COL4A2: variants seen among roughly 807,000 people sequenced by gnomAD.
The protein encoded by COL4A2 is collagen type IV alpha 2 chain, also known as collagen alpha-2(IV) chain.
In COL4A2, 99 loss-of-function variants were observed where a neutral mutation model predicts 200.2. That is an observed-to-expected ratio of 0.49 (90% CI 0.42 to 0.58). The LOEUF is 0.58. COL4A2 is among the 20% of genes least tolerant of loss of function. COL4A2 has a pLI of 0.00. For synonymous variants in COL4A2, 897 were observed against 900.6 expected (o/e 1.00, Z 0.07); for missense variants, 1,950 against 2,314.1 (o/e 0.84, Z 3.23).
intron 30 of COL4A2, among the ~76,000 whole-genome samples, chr13:110,478,517 G>A (rs529635931): frequency 8.5e-5 from 13 of 152,358 alleles, no homozygotes; most frequent in Non-Finnish European, 8.8e-5. Flanking sequence ...AGGTGGCTCC[G>A]TCAGGGAAAC....
chr13:110,376,325 G>A (rs1214850656), intron 4 of COL4A2, among the ~76,000 whole-genome samples: 2 of 152,230 alleles, frequency 1.3e-5, no homozygotes, highest in African/African-American at 4.8e-5. Flanking sequence ...TCAGAAGGTC[G>A]GAGCCTGTTT....
chr13:110,354,247 C>G (rs902258319), intron 3 of COL4A2, among the ~76,000 whole-genome samples: 9 of 152,198 alleles, frequency 5.9e-5, no homozygotes, highest in Non-Finnish European at 8.8e-5. Context: ...ATTATTGGGT[C>G]AACTGAGGAC....
At position 110,485,727 on chromosome 13, in the gene COL4A2, A is replaced by G; in HGVS notation, c.3098A>G (p.Lys1033Arg). Reference sequence around the variant, plus strand: ...CTGCCTGGGAGGCCCGGCCACATCAAAGGAGTCAAGGGAGACATCGGAGTC... The same window carrying G: ...CTGCCTGGGAGGCCCGGCCACATCAGAGGAGTCAAGGGAGACATCGGAGTC... Reference protein sequence around the residue: ...PGLPGRPGHIKGVKGDIGVPG... With the variant: ...PGLPGRPGHIRGVKGDIGVPG... The change falls in exon 34 of 48, where the codon AAA becomes AGA. Residue 1033 changes from lysine to arginine, a missense_variant. Lys to Arg is a conservative substitution (Grantham distance 26). Coordinates refer to ENST00000360467, the MANE Select transcript of COL4A2 (RefSeq NM_001846.4). 6.2e-7 allele frequency: 1 copy of G among 1,613,748 alleles called. No homozygotes were observed.
chr13:110,437,495 C>A (rs1164642835), intron 13 of COL4A2, among the ~76,000 whole-genome samples: 1 of 152,224 alleles, frequency 6.6e-6, no homozygotes, highest in African/African-American at 2.4e-5. Context: ...TTTCTTTCAC[C>A]ATTTTAGACG....
chr13:110,316,624 A>G (rs928500884), intron 3 of COL4A2, among the ~76,000 whole-genome samples: 1 of 152,210 alleles, frequency 6.6e-6, no homozygotes, highest in Non-Finnish European at 1.5e-5. Flanking sequence ...CGGAGCAGCT[A>G]AAACACCCTG....
intron 4 of COL4A2, among the ~76,000 whole-genome samples, chr13:110,381,683 T>G (rs900397343): frequency 6.6e-6 from 1 of 152,202 alleles, no homozygotes; most frequent in African/African-American, 2.4e-5. Flanking sequence ...ATCCTCCTGT[T>G]AGTAGAAAGG....
chr13:110,371,100 C>T (rs1220241059), intron 4 of COL4A2, among the ~76,000 whole-genome samples: 2 of 152,182 alleles, frequency 1.3e-5, no homozygotes, highest in Admixed American at 6.5e-5. Context: ...TAATGGAAAT[C>T]CCGGTTGATC....
At chr13:110,470,322 C>A (rs908853591) in intron 28 of COL4A2, among the ~76,000 whole-genome samples, 1 of 152,172 alleles carries the variant, frequency 6.6e-6, no homozygotes, top group Admixed American at 6.5e-5. Context: ...CAGGTTCCTG[C>A]AGCCTCTGCT....
chr13:110,432,781 G>A (rs756299443), intron 11 of COL4A2, among the ~76,000 whole-genome samples: 1 of 152,226 alleles, frequency 6.6e-6, no homozygotes, highest in Non-Finnish European at 1.5e-5. Flanking sequence ...AGGTTCTACA[G>A]GAGTCTAATG....
chr13:110,505,218 C>G (rs540682610), intron 45 of COL4A2, among the ~76,000 whole-genome samples: 10 of 151,894 alleles, frequency 6.6e-5, no homozygotes, highest in African/African-American at 2.4e-4. Context: ...GGCGTGGTGG[C>G]GGGCGCCAGT....
chr13:110,358,513 C>T (rs376087348), intron 4 of COL4A2, among the ~76,000 whole-genome samples: 9 of 152,214 alleles, frequency 5.9e-5, no homozygotes, highest in Admixed American at 6.5e-5. Flanking sequence ...AAAACAGTGA[C>T]GCAGTTGCTT....
intron 20 of COL4A2, among the ~76,000 whole-genome samples, chr13:110,454,710 C>T (rs914144297): frequency 2.0e-5 from 3 of 152,080 alleles, no homozygotes; most frequent in Non-Finnish European, 4.4e-5. Flanking sequence ...CCTCCCTGCA[C>T]TCCCCGCCGG....
intron 16 of COL4A2, among the ~76,000 whole-genome samples, chr13:110,441,480 G>A (rs182826932): frequency 2.0e-4 from 30 of 152,280 alleles, no homozygotes; most frequent in African/African-American, 6.0e-4. Flanking sequence ...ACTCAGCCCA[G>A]GGAGCCAATG....
chr13:110,467,340 G>A (rs1442294479), intron 27 of COL4A2, among the ~76,000 whole-genome samples: 1 of 152,258 alleles, frequency 6.6e-6, no homozygotes, highest in Non-Finnish European at 1.5e-5. Context: ...ATTCAGCCAT[G>A]GCTGCAGGGG....
chr13:110,380,267 A>G (rs1322664955), intron 4 of COL4A2, among the ~76,000 whole-genome samples: 1 of 152,142 alleles, frequency 6.6e-6, no homozygotes, highest in Non-Finnish European at 1.5e-5. Flanking sequence ...TTCTGAGGGG[A>G]GGGTCGAACA....
intron 33 of COL4A2, 102 bp from the exon 34 acceptor site, chr13:110,485,553 C>T (rs1883091317): frequency 5.0e-6 from 3 of 604,826 alleles, no homozygotes; most frequent in Non-Finnish European, 8.5e-6. Flanking sequence ...AAAAGATTCA[C>T]AGCACGTAGG....
At position 110,504,152 on chromosome 13, in the gene COL4A2, C is replaced by T. The variant is rs4771683; in HGVS notation, c.4290C>T (p.Phe1430=). ...CGCTTCTTTGGTGGCTTGCAGGTTTCCGTGGGGCTCCAGGGAAAGCTGGGC... is the reference window on the plus strand; with the variant it reads ...CGCTTCTTTGGTGGCTTGCAGGTTTTCGTGGGGCTCCAGGGAAAGCTGGGC... ...GPQGPPGEPG[F]RGAPGKAGPQ... is the part of the protein sequence containing the mutation. Residue 1430 remains phenylalanine (F), a synonymous_variant, in exon 45 of 48, where the codon TTC becomes TTT. Transcript: ENST00000360467. 1,596,788 of 1,614,066 alleles carry T rather than the reference C, an allele frequency of 0.99. 791,151 individuals are homozygous for T. Among genetic ancestry groups the T allele is most frequent in the East Asian group, 1 (44,857 of 44,858 alleles).
intron 3 of COL4A2, among the ~76,000 whole-genome samples, chr13:110,319,548 G>C (rs1033657595): frequency 1.3e-5 from 2 of 152,156 alleles, no homozygotes; most frequent in African/African-American, 4.8e-5. Context: ...CTACTTCTCA[G>C]ATTAGCATGG....
rs764318575 is a variant in COL4A2, at chr13:110,489,728, A to G, written c.3289A>G (p.Ile1097Val). Residue 1097 changes from isoleucine (I) to valine (V), a missense_variant, in exon 36 of 48, where the codon ATA (isoleucine) becomes GTA (valine). Physicochemically the swap from Ile to Val is conservative, Grantham distance 29. Around this residue, in one of 2 missense-constraint regions of COL4A2, gnomAD observed 1,385 missense variants for 1,720.5 expected, o/e 0.80. Coordinates refer to ENST00000360467, the MANE Select transcript of COL4A2 (RefSeq NM_001846.4). Reference sequence around the variant, plus strand: ...TGTAACAGGTGACATCGGGGACACTATAAATTTACCAGGAAGACCAGGCCT... The same window carrying G: ...TGTAACAGGTGACATCGGGGACACTGTAAATTTACCAGGAAGACCAGGCCT... ...TGDFGDIGDT[I>V]NLPGRPGLKG... is the part of the protein sequence containing the mutation. 1.2e-6 allele frequency: 2 copies of G among 1,614,168 alleles called. No individual in the cohort carries two copies. The highest frequency in any genetic ancestry group is 2.2e-5 in the South Asian group (2 of 91,048).
Sources: gnomAD v4.1 joint callset for allele counts (sites outside exome capture counted in the v4.1 genomes callset) on GRCh38, gnomAD v4.1.1 for gene constraint, gnomAD v4.1.1 regional missense constraint, MANE v1.5 for transcripts, NCBI Gene and HGNC (gene_info 2026-07-23, HGNC 2026-07-21) for gene names.